Variants in RARB observed in about 807,000 individuals in gnomAD.
RARB encodes HBV-activated protein.
RARB carries 17 observed loss-of-function variants against 51.9 expected under a neutral mutation model. The observed-to-expected ratio is 0.33, with a 90% confidence interval of 0.22 to 0.49. RARB has a LOEUF of 0.49. Among genes scored for constraint, RARB ranks in the 20% least tolerant of loss-of-function variants. The probability of loss-of-function intolerance (pLI) is 0.99; values close to 1 mark genes in which losing one functional copy is unlikely to be tolerated. For synonymous variants in RARB, 215 were observed against 195.4 expected, an observed-to-expected ratio of 1.10 and a Z score of -0.84; for missense variants, 369 against 550.8, an observed-to-expected ratio of 0.67 and a Z score of 3.30.
intron 2 of RARB, among the ~76,000 whole-genome samples, chr3:24,974,432 C>T (rs1696466849): frequency 6.6e-6 from 1 of 152,040 alleles, no homozygotes; most frequent in Admixed American, 6.6e-5. Context: ...AAGAGTTTTG[C>T]ACAGCAGCTA....
chr3:25,241,119 T>G (rs1387403712), intron 5 of RARB, among the ~76,000 whole-genome samples: 1 of 152,172 alleles, frequency 6.6e-6, no homozygotes, highest in Non-Finnish European at 1.5e-5. Context: ...TTGTGTATAG[T>G]TGTTCATAAT....
At chr3:25,015,457 A>T (rs1279715802) in intron 2 of RARB, among the ~76,000 whole-genome samples, 2 of 152,164 alleles carry the variant, frequency 1.3e-5, no homozygotes, top group Non-Finnish European at 2.9e-5. Flanking sequence ...TTGTCTTCAG[A>T]GTGGAAGAGC....
At chr3:25,501,468 T>C in intron 3 of RARB, 145 bp downstream of exon 3, 1 of 1,019,638 alleles carries the variant, frequency 9.8e-7, no homozygotes, top group Non-Finnish European at 1.4e-6. Context: ...AAAATGGGGA[T>C]TGATATGGAG....
At chr3:24,839,134 T>C (rs1055914235) in intron 1 of RARB, among the ~76,000 whole-genome samples, 12 of 152,130 alleles carry the variant, frequency 7.9e-5, no homozygotes, top group African/African-American at 2.7e-4. Context: ...ACAAAGATAC[T>C]AATTTACTCC....
intron 5 of RARB, among the ~76,000 whole-genome samples, chr3:25,388,970 C>G (rs1706871946): frequency 1.3e-5 from 2 of 152,154 alleles, no homozygotes; most frequent in African/African-American, 4.8e-5. Context: ...TGAATAGAAA[C>G]ACATCCTTTT....
At chr3:25,422,931 T>C (rs1398102176) in intron 5 of RARB, among the ~76,000 whole-genome samples, 3 of 152,184 alleles carry the variant, frequency 2.0e-5, no homozygotes, top group Non-Finnish European at 2.9e-5. Flanking sequence ...CAAAACCTAG[T>C]CCACTATCAG....
chr3:24,970,948 GTTC>G (rs759479507), intron 2 of RARB, among the ~76,000 whole-genome samples: 74 of 151,964 alleles, frequency 4.9e-4, no homozygotes, highest in African/African-American at 8.4e-4. Context: ...AGTTACAATT[GTTC>G]TTCTCCTTTC....
At chr3:25,403,775 G>T (rs142203367) in intron 5 of RARB, among the ~76,000 whole-genome samples, 11 of 147,230 alleles carry the variant, frequency 7.5e-5, no homozygotes, top group African/African-American at 2.3e-4. Context: ...ACATTTGAGC[G>T]CTATTATTTA....
intron 3 of RARB, among the ~76,000 whole-genome samples, chr3:25,074,709 T>C (rs1257882649): frequency 6.6e-6 from 1 of 152,200 alleles, no homozygotes; most frequent in Admixed American, 6.5e-5. Flanking sequence ...TGCTGCACTA[T>C]CACACTGTAC....
At chr3:24,886,556 C>A (rs1355682233) in intron 2 of RARB, among the ~76,000 whole-genome samples, 1 of 150,826 alleles carries the variant, frequency 6.6e-6, no homozygotes, top group African/African-American at 2.4e-5. Context: ...GCCATTCTTT[C>A]TCCTCAGTCT....
chr3:25,115,209 C>T (rs1410381671), intron 3 of RARB, among the ~76,000 whole-genome samples: 1 of 152,048 alleles, frequency 6.6e-6, no homozygotes, highest in African/African-American at 2.4e-5. Flanking sequence ...AATGGTTTTA[C>T]TTAAAAAAAC....
intron 2 of RARB, among the ~76,000 whole-genome samples, chr3:24,861,355 C>A (rs1262421081): frequency 6.6e-6 from 1 of 152,138 alleles, no homozygotes; most frequent in Non-Finnish European, 1.5e-5. Flanking sequence ...CTGAATCAGT[C>A]CTCTATGGTA....
At chr3:25,220,615 T>G (rs1202283548) in intron 5 of RARB, among the ~76,000 whole-genome samples, 1 of 152,198 alleles carries the variant, frequency 6.6e-6, no homozygotes, top group Non-Finnish European at 1.5e-5. Context: ...TATAAATGTT[T>G]GGTAGTTCCT....
At chr3:25,583,231 G>A (rs189939472) in intron 5 of RARB, among the ~76,000 whole-genome samples, 83 of 152,328 alleles carry the variant, frequency 5.4e-4, no homozygotes, top group Non-Finnish European at 1.0e-3. Context: ...CTGAAAGTAC[G>A]CAAGTTCAAA....
At chr3:25,328,269 C>T (rs1704783756) in intron 5 of RARB, among the ~76,000 whole-genome samples, 1 of 152,192 alleles carries the variant, frequency 6.6e-6, no homozygotes, top group Admixed American at 6.5e-5. Flanking sequence ...CCTGTAATCC[C>T]AACACTTTGA....
At chr3:25,294,060 A>T (rs1303917398) in intron 5 of RARB, among the ~76,000 whole-genome samples, 1 of 152,166 alleles carries the variant, frequency 6.6e-6, no homozygotes, top group Non-Finnish European at 1.5e-5. Context: ...TCACCGAAGG[A>T]TTCACCGAGG....
chr3:25,321,515 C>T (rs150007661), intron 5 of RARB, among the ~76,000 whole-genome samples: 7 of 151,810 alleles, frequency 4.6e-5, no homozygotes, highest in Admixed American at 1.3e-4. Flanking sequence ...GTTAGGTGTT[C>T]GAGACCAGCC....
rs538042559 is a variant in RARB at position 25,380,577 on chromosome 3, C to G, written c.179-80616C>G. Among the ~76,000 whole-genome samples the G allele has an allele frequency of 8.0e-5, 12 of 149,996 alleles. No individual in the cohort carries two copies. In the South Asian group the frequency reaches 2.2e-3, roughly 27 times the overall value. On this transcript the variant is annotated intron_variant, in intron 5 of 11. Coordinates refer to the RARB transcript ENST00000383772. ...TCCTGCATGCCAACCCTTAGTGAAA[C>G]TTTTCTTGCTCAAGAAAAAAAATAA...
At chr3:25,102,835 T>C (rs1306869671) in intron 3 of RARB, among the ~76,000 whole-genome samples, 2 of 152,248 alleles carry the variant, frequency 1.3e-5, no homozygotes, top group East Asian at 3.9e-4. Flanking sequence ...GTGTATCACC[T>C]GAGGTCGGGA....
Sources: allele counts gnomAD v4.1 joint callset (sites outside exome capture counted in the v4.1 genomes callset), GRCh38; gene constraint gnomAD v4.1.1; transcripts MANE v1.5; gene names NCBI Gene and HGNC (gene_info 2026-07-23, HGNC 2026-07-21).